STX8: variants seen among roughly 807,000 people sequenced by gnomAD.
STX8 encodes syntaxin-8.
STX8 carries 23 observed loss-of-function variants against 37.5 expected under a neutral mutation model. That is an observed-to-expected ratio of 0.61 (90% CI 0.44 to 0.87). The LOEUF is 0.87. STX8 is among the 40% of genes least tolerant of loss of function. STX8 has a pLI of 0.00. For synonymous variants in STX8, 115 were observed against 99.1 expected (o/e 1.16, Z -0.95); for missense variants, 313 against 284.7 (o/e 1.10, Z -0.71).
intron 4 of STX8, among the ~76,000 whole-genome samples, chr17:9,542,687 T>A (rs1008143821): frequency 3.4e-4 from 50 of 149,096 alleles, no homozygotes; most frequent in African/African-American, 1.3e-3. Flanking sequence ...AAAAAATAAA[T>A]AAATAAATAA....
chr17:9,382,680 A>G (rs548252861), intron 6 of STX8, among the ~76,000 whole-genome samples: 1 of 152,362 alleles, frequency 6.6e-6, no homozygotes, highest in African/African-American at 2.4e-5. Context: ...AGCTATATTA[A>G]TATCAGACCA....
chr17:9,558,889 G>A lies in STX8; in HGVS notation c.118-1361C>T, dbSNP rs370757337. On this transcript the variant is annotated intron_variant, in intron 2 of 7. Transcript: ENST00000306357. The stretch of plus-strand genomic sequence containing the variant: ...AAGGCGCCACACACACCAGGCCTAC[G>A]AAGAGGAGTCCACAAAATCAAAGAC... 1.6e-3 allele frequency among the ~76,000 whole-genome samples: 240 copies of A among 151,560 alleles called. 1 individual carries two copies. Among genetic ancestry groups the A allele is most frequent in the Non-Finnish European group, 2.8e-3 (190 of 67,926 alleles).
chr17:9,388,530 G>A (rs190445205), intron 6 of STX8, among the ~76,000 whole-genome samples: 2 of 151,108 alleles, frequency 1.3e-5, no homozygotes, highest in East Asian at 3.9e-4. Context: ...TTTTTCGGGC[G>A]TGGTGGCTCA....
intron 2 of STX8, among the ~76,000 whole-genome samples, chr17:9,561,251 G>A (rs760541008): frequency 2.6e-5 from 4 of 151,866 alleles, no homozygotes; most frequent in Non-Finnish European, 4.4e-5. Context: ...TTTAAAAACC[G>A]GTACATGTTT....
At chr17:9,308,549 C>T (rs895713796) in intron 7 of STX8, among the ~76,000 whole-genome samples, 3 of 151,824 alleles carry the variant, frequency 2.0e-5, no homozygotes, top group African/African-American at 4.8e-5. Flanking sequence ...ATGGTGAAAC[C>T]CTGTCTCTAC....
At chr17:9,382,007 C>A (rs1278453079) in intron 6 of STX8, among the ~76,000 whole-genome samples, 1 of 151,986 alleles carries the variant, frequency 6.6e-6, no homozygotes, top group Non-Finnish European at 1.5e-5. Context: ...AATGTCCTAA[C>A]TTATCCTTGT....
chr17:9,274,339 C>A (rs1907579498), intron 7 of STX8, among the ~76,000 whole-genome samples: 1 of 152,038 alleles, frequency 6.6e-6, no homozygotes, highest in African/African-American at 2.4e-5. Context: ...TCAAAAAACC[C>A]AAATTCACGA....
intron 2 of STX8, among the ~76,000 whole-genome samples, chr17:9,566,152 TA>T (rs1433370212): frequency 1.3e-5 from 2 of 151,834 alleles, no homozygotes; most frequent in Non-Finnish European, 2.9e-5. Flanking sequence ...AGGACACGAA[TA>T]GACACTTTTC....
intron 6 of STX8, among the ~76,000 whole-genome samples, chr17:9,488,507 G>C (rs1906702062): frequency 6.6e-6 from 1 of 152,118 alleles, no homozygotes; most frequent in African/African-American, 2.4e-5. Flanking sequence ...GATTATCTGG[G>C]TGGGCCCAAT....
intron 6 of STX8, among the ~76,000 whole-genome samples, chr17:9,388,157 C>T (rs1379968075): frequency 1.3e-5 from 2 of 149,962 alleles, no homozygotes; most frequent in Admixed American, 6.6e-5. Flanking sequence ...CTGCAACCTC[C>T]GCCTCCCAGG....
At chr17:9,485,358 G>A (rs1358543307) in intron 6 of STX8, among the ~76,000 whole-genome samples, 1 of 152,064 alleles carries the variant, frequency 6.6e-6, no homozygotes, top group Non-Finnish European at 1.5e-5. Context: ...AGATGAAGAA[G>A]GCATTCATGG....
At chr17:9,542,352 C>T (rs535054793) in intron 4 of STX8, among the ~76,000 whole-genome samples, 3 of 151,146 alleles carry the variant, frequency 2.0e-5, no homozygotes, top group East Asian at 3.9e-4. Context: ...AGCAAAACTC[C>T]GTCTCAAAAA....
chr17:9,439,845 T>C (rs2142384311), intron 6 of STX8, among the ~76,000 whole-genome samples: 1 of 152,232 alleles, frequency 6.6e-6, no homozygotes, highest in Middle Eastern at 3.4e-3. Context: ...TACTGCTTCC[T>C]GGTGGGGTGA....
At chr17:9,336,973 G>A (rs922343165) in intron 7 of STX8, among the ~76,000 whole-genome samples, 3 of 152,114 alleles carry the variant, frequency 2.0e-5, no homozygotes, top group Non-Finnish European at 4.4e-5. Context: ...CCTGGAAAAT[G>A]TTAAGTTTAA....
rs1449235549 is a variant in STX8, at chr17:9,445,854, T to C, written c.541+45975A>G. ...TCTTTTTTTCTCTTTTTTTTTTTTT[T>C]TGAGACAGAGTCTTGCTCTGTCTCC... On this transcript the variant is annotated intron_variant, in intron 6 of 7. Coordinates refer to ENST00000306357, the MANE Select transcript of STX8 (RefSeq NM_004853.3). Among the ~76,000 whole-genome samples, 3 of 150,356 alleles carry C rather than the reference T, an allele frequency of 2.0e-5. No individual in the cohort carries two copies. In the East Asian group the frequency reaches 5.8e-4, roughly 29 times the overall value.
intron 7 of STX8, among the ~76,000 whole-genome samples, chr17:9,316,034 A>G (rs997787961): frequency 1.9e-4 from 28 of 151,004 alleles, no homozygotes; most frequent in African/African-American, 6.1e-4. Flanking sequence ...AAAAAAAAAA[A>G]GTAATAAAGC....
chr17:9,510,265 C>A (rs754699311), intron 4 of STX8, among the ~76,000 whole-genome samples: 3 of 152,118 alleles, frequency 2.0e-5, no homozygotes, highest in African/African-American at 7.2e-5. Flanking sequence ...ATTTAAACTA[C>A]ACCACAGAAC....
At chr17:9,350,865 C>A (rs1292842279) in intron 7 of STX8, among the ~76,000 whole-genome samples, 2 of 152,184 alleles carry the variant, frequency 1.3e-5, no homozygotes, top group African/African-American at 2.4e-5. Flanking sequence ...ATCTTCCTAT[C>A]TTTCAGGATG....
intron 6 of STX8, among the ~76,000 whole-genome samples, chr17:9,421,412 ATT>A (rs60518405): frequency 4.6e-5 from 3 of 65,154 alleles, no homozygotes; most frequent in Non-Finnish European, 5.2e-5. Flanking sequence ...AAAAAAAAAA[ATT>A]TTTTTTTTTT....
Sources: allele counts gnomAD v4.1 joint callset (sites outside exome capture counted in the v4.1 genomes callset), GRCh38; gene constraint gnomAD v4.1.1; transcripts MANE v1.5; gene names NCBI Gene and HGNC (gene_info 2026-07-23, HGNC 2026-07-21).